CSMD1: variants seen among roughly 807,000 people sequenced by gnomAD.
The protein encoded by CSMD1 is CUB and sushi domain-containing protein 1.
CSMD1 carries 213 observed loss-of-function variants against 417.5 expected under a neutral mutation model. That is an observed-to-expected ratio of 0.51 (90% CI 0.46 to 0.57). CSMD1 has a LOEUF of 0.57. Ranked by LOEUF, CSMD1 falls within the 20% of genes least tolerant of loss-of-function variation. The probability of loss-of-function intolerance (pLI) is 0.00; values close to 1 mark genes in which losing one functional copy is unlikely to be tolerated. For missense variants in CSMD1, 6,923 were observed against 4,529.7 expected (o/e 1.53, Z -15.17); for synonymous variants, 2,862 against 1,736.8 (o/e 1.65, Z -16.11).
At chr8:4,822,000 A>G (rs1051353848) in intron 1 of CSMD1, among the ~76,000 whole-genome samples, 2 of 152,030 alleles carry the variant, frequency 1.3e-5, no homozygotes, top group South Asian at 2.1e-4. Flanking sequence ...CTGTAATGCA[A>G]TGACTTCTGA....
intron 7 of CSMD1, among the ~76,000 whole-genome samples, chr8:3,695,087 CGT>C (rs1276176981): frequency 0.025 from 3,653 of 145,568 alleles, 107 homozygotes; most frequent in African/African-American, 0.07. Flanking sequence ...GGAGGCCCTG[CGT>C]GTGTGTGTGT....
At chr8:2,992,617 G>T (rs1179660504) in intron 54 of CSMD1, among the ~76,000 whole-genome samples, 1 of 151,912 alleles carries the variant, frequency 6.6e-6, no homozygotes, top group Non-Finnish European at 1.5e-5. Flanking sequence ...GTAGAGAGGG[G>T]GGTTTCACCA....
intron 6 of CSMD1, 94 bp from the exon 7 acceptor site, chr8:3,708,585 C>G (rs1469921317): frequency 3.2e-6 from 3 of 924,670 alleles, no homozygotes; most frequent in African/African-American, 3.2e-5. Flanking sequence ...TAACTGCTTT[C>G]TATCAACCCC....
chr8:4,939,453 G>T (rs990632013), intron 1 of CSMD1, among the ~76,000 whole-genome samples: 2 of 152,184 alleles, frequency 1.3e-5, no homozygotes, highest in African/African-American at 4.8e-5. Flanking sequence ...ACCTAATGGA[G>T]TACTATTCAG....
intron 3 of CSMD1, among the ~76,000 whole-genome samples, chr8:4,080,207 A>C (rs1800055471): frequency 6.6e-6 from 1 of 152,060 alleles, no homozygotes; most frequent in South Asian, 2.1e-4. Flanking sequence ...GCTCCCCAGT[A>C]GTAATAGTTG....
intron 3 of CSMD1, among the ~76,000 whole-genome samples, chr8:4,241,403 T>G (rs1314214918): frequency 1.3e-5 from 2 of 152,220 alleles, no homozygotes; most frequent in African/African-American, 4.8e-5. Context: ...AAGTACTTGC[T>G]AACCCCATGT....
chr8:4,064,135 C>G (rs945581037), intron 3 of CSMD1, among the ~76,000 whole-genome samples: 1 of 152,092 alleles, frequency 6.6e-6, no homozygotes, highest in Admixed American at 6.6e-5. Context: ...TTGTTTCTGC[C>G]TCTGATGTAA....
At chr8:3,508,995 G>A (rs1266476751) in intron 10 of CSMD1, among the ~76,000 whole-genome samples, 3 of 152,318 alleles carry the variant, frequency 2.0e-5, no homozygotes, top group African/African-American at 4.8e-5. Context: ...ATATCTCAGT[G>A]CAAATCCCAG....
At chr8:4,245,257 G>T (rs142287107) in intron 3 of CSMD1, among the ~76,000 whole-genome samples, 1 of 152,198 alleles carries the variant, frequency 6.6e-6, no homozygotes, top group East Asian at 1.9e-4. Flanking sequence ...CCTGCATTAC[G>T]CAATGAATTA....
At chr8:4,271,675 G>C (rs1421430885) in intron 3 of CSMD1, among the ~76,000 whole-genome samples, 1 of 151,996 alleles carries the variant, frequency 6.6e-6, no homozygotes, top group Non-Finnish European at 1.5e-5. Context: ...TCCACTTTAA[G>C]GTATACATCA....
intron 1 of CSMD1, among the ~76,000 whole-genome samples, chr8:4,825,400 G>A (rs1171163275): frequency 6.6e-6 from 1 of 152,060 alleles, no homozygotes; most frequent in Non-Finnish European, 1.5e-5. Context: ...AGCATATAAT[G>A]CAGTGATGGT....
At chr8:3,384,305 T>C (rs1259238518) in intron 18 of CSMD1, among the ~76,000 whole-genome samples, 4 of 151,994 alleles carry the variant, frequency 2.6e-5, no homozygotes, top group African/African-American at 7.2e-5. Context: ...TTCATGTACA[T>C]TTTTAAACAT....
At chr8:4,136,959 C>T (rs748939009) in intron 3 of CSMD1, among the ~76,000 whole-genome samples, 3 of 152,182 alleles carry the variant, frequency 2.0e-5, no homozygotes, top group Non-Finnish European at 4.4e-5. Context: ...AACCAATATT[C>T]AGCCTATATC....
At chr8:3,671,053 A>G (rs117148174) in intron 7 of CSMD1, among the ~76,000 whole-genome samples, 665 of 43,306 alleles carry the variant, frequency 0.015, 2 homozygotes, top group South Asian at 0.023. Flanking sequence ...ATATGTATAT[A>G]GGATATATAT....
chr8:4,200,221 C>T (rs974105563), intron 3 of CSMD1, among the ~76,000 whole-genome samples: 1 of 152,124 alleles, frequency 6.6e-6, no homozygotes, highest in Admixed American at 6.6e-5. Context: ...GAAATTCTGG[C>T]CAGCATTTCA....
chr8:3,840,506 G>C (rs539308369), intron 5 of CSMD1, among the ~76,000 whole-genome samples: 41 of 152,004 alleles, frequency 2.7e-4, no homozygotes, highest in African/African-American at 8.2e-4. Context: ...AAAAAATATA[G>C]GCAAAACAAA....
intron 5 of CSMD1, among the ~76,000 whole-genome samples, chr8:3,935,864 T>C (rs1048461574): frequency 5.9e-5 from 9 of 152,272 alleles, no homozygotes; most frequent in African/African-American, 9.6e-5. Context: ...CTAGAAATCA[T>C]TGGCCTTAGT....
At chr8:3,160,519 G>T (rs1338314851) in intron 38 of CSMD1, among the ~76,000 whole-genome samples, 1 of 152,178 alleles carries the variant, frequency 6.6e-6, no homozygotes, top group African/African-American at 2.4e-5. Flanking sequence ...CAAACTTACT[G>T]AGGTATCCCA....
chr8:3,402,679 T>C (rs540742938), intron 15 of CSMD1, among the ~76,000 whole-genome samples: 12 of 152,338 alleles, frequency 7.9e-5, no homozygotes, highest in Admixed American at 6.5e-4. Context: ...ATTTCTCTTT[T>C]ATGTTACCAA....
Sources: gnomAD v4.1 joint callset for allele counts (sites outside exome capture counted in the v4.1 genomes callset) on GRCh38, gnomAD v4.1.1 for gene constraint, MANE v1.5 for transcripts, NCBI Gene and HGNC (gene_info 2026-07-23, HGNC 2026-07-21) for gene names.